SCD5: variants seen among roughly 807,000 people sequenced by gnomAD.
SCD5 encodes acyl-CoA-desaturase 4.
In SCD5, 20 loss-of-function variants were observed where a neutral mutation model predicts 30.4. That is an observed-to-expected ratio of 0.66 (90% confidence interval 0.46 to 0.96). The LOEUF is 0.96. Among genes scored for constraint, SCD5 ranks in the 40% least tolerant of loss-of-function variants. The probability of loss-of-function intolerance (pLI) is 0.00; values close to 1 mark genes in which losing one functional copy is unlikely to be tolerated. For synonymous variants in SCD5, 173 were observed against 176.4 expected, an observed-to-expected ratio of 0.98 and a Z score of 0.16; for missense variants, 381 against 443.3, an observed-to-expected ratio of 0.86 and a Z score of 1.26.
At chr4:82,787,063 T>G (rs1393500360) in intron 1 of SCD5, among the ~76,000 whole-genome samples, 1 of 152,184 alleles carries the variant, frequency 6.6e-6, no homozygotes, top group East Asian at 1.9e-4. Flanking sequence ...GTTCCTAGAT[T>G]GTTTGTGCAA....
chr4:82,639,274 C>G (rs1255131551), intron 3 of SCD5, among the ~76,000 whole-genome samples: 1 of 152,116 alleles, frequency 6.6e-6, no homozygotes, highest in African/African-American at 2.4e-5. Flanking sequence ...CCAAAGACAA[C>G]TAAGGGACTC....
At chr4:82,704,491 G>A (rs1300531389) in intron 2 of SCD5, among the ~76,000 whole-genome samples, 2 of 152,200 alleles carry the variant, frequency 1.3e-5, no homozygotes, top group African/African-American at 2.4e-5. Context: ...CCAAGGAGGT[G>A]GGGAATGGTC....
intron 2 of SCD5, among the ~76,000 whole-genome samples, chr4:82,684,554 T>C (rs1728654551): frequency 1.3e-5 from 2 of 152,142 alleles, no homozygotes; most frequent in South Asian, 4.1e-4. Flanking sequence ...TACCTGTGAA[T>C]AGCATTTGTG....
chr4:82,646,807 AT>A (rs1727642170), intron 3 of SCD5, among the ~76,000 whole-genome samples: 1 of 152,080 alleles, frequency 6.6e-6, no homozygotes, highest in Non-Finnish European at 1.5e-5. Flanking sequence ...GAGAAAAGAT[AT>A]TTTTCTCTGG....
In SCD5 at chr4:82,766,527, T is replaced by C. The variant is rs191868768; in HGVS notation, c.232+31779A>G. On this transcript the variant is annotated intron_variant, in intron 1 of 4. Transcript: ENST00000319540. ...TAAAATATAATTATCCCAATTGCTT[T>C]AGTGGTCTTGTCCACTAATTCTTTC... Among the ~76,000 whole-genome samples, 37 of 152,376 alleles carry C rather than the reference T, an allele frequency of 2.4e-4. No individual in the cohort carries two copies. The East Asian group carries it at 6.9e-3, about 29-fold the overall frequency.
rs1727268663 is a variant in SCD5, at chr4:82,630,646, T to C, written c.*681A>G. 3 of 152,178 alleles carry C rather than the reference T, an allele frequency of 2.0e-5. No homozygotes were observed. Among genetic ancestry groups the C allele is most frequent in the Non-Finnish European group, 4.4e-5 (3 of 68,028 alleles). 9.4% of individuals were successfully genotyped at this position (152,178 alleles called of 1,614,324 possible). A position where few individuals can be genotyped will look rare whatever the true frequency, so the allele number is the denominator to read the frequency against. On this transcript the variant is annotated 3_prime_UTR_variant, in exon 5 of 5. Transcript: ENST00000319540. ...TCCACACTCTAATGTTAAATCGTAG[T>C]AATATTGACTTGAAAAGTTTTTTAG...
chr4:82,713,877 C>T (rs911541270), intron 1 of SCD5, among the ~76,000 whole-genome samples: 22 of 152,328 alleles, frequency 1.4e-4, no homozygotes, highest in Admixed American at 7.2e-4. Context: ...GCCCTACTCA[C>T]CTGATAACTT....
intron 1 of SCD5, among the ~76,000 whole-genome samples, chr4:82,714,396 C>T (rs1012301095): frequency 3.3e-5 from 5 of 152,146 alleles, no homozygotes; most frequent in Non-Finnish European, 7.4e-5. Flanking sequence ...TAGGTGTAGT[C>T]CCTTTACTCA....
In SCD5 at chr4:82,720,439, AAT is replaced by A. The variant is rs1183390083; in HGVS notation, c.233-15028_233-15027del. ...GAGATGCTGTCTCAAAAAAGGCAAAAATAAAAAAAAAAAAAAAAAAAAAAGAC... is the reference window on the plus strand; with the variant it reads ...GAGATGCTGTCTCAAAAAAGGCAAAAAAAAAAAAAAAAAAAAAAAAAAGAC... On this transcript the variant is annotated intron_variant, in intron 1 of 4. Transcript: ENST00000319540. 3.0e-4 allele frequency among the ~76,000 whole-genome samples: 43 copies of A among 141,708 alleles called. No individual in the cohort carries two copies. The East Asian group carries it at 6.6e-3, about 22-fold the overall frequency. The allele number at this position is 141,708 out of a possible 152,430, so 93.0% of individuals were successfully genotyped here. A position where few individuals can be genotyped will look rare whatever the true frequency, so the allele number is the denominator to read the frequency against.
intron 1 of SCD5, among the ~76,000 whole-genome samples, chr4:82,737,478 C>T (rs1720776056): frequency 6.6e-6 from 1 of 152,166 alleles, no homozygotes; most frequent in African/African-American, 2.4e-5. Context: ...ATGGATGCAG[C>T]TCCCACTCAG....
At chr4:82,755,745 A>G (rs1721221669) in intron 1 of SCD5, among the ~76,000 whole-genome samples, 1 of 152,232 alleles carries the variant, frequency 6.6e-6, no homozygotes, top group Admixed American at 6.5e-5. Flanking sequence ...ACTCATTCTC[A>G]AAACCAAACC....
At chr4:82,709,927 T>G (rs1720048084) in intron 1 of SCD5, among the ~76,000 whole-genome samples, 1 of 152,238 alleles carries the variant, frequency 6.6e-6, no homozygotes. Context: ...CTAATTTTCC[T>G]GTTTTACTCC....
rs566174764 is a variant in SCD5 at position 82,747,075 on chromosome 4, C to T, written c.233-41662G>A. On this transcript the variant is annotated intron_variant, in intron 1 of 4. Transcript: ENST00000319540. ...AGAAAAGTCTGGGCAACCTGCCCCC[C>T]AAGAAAGACGACCTTCCCACTCCAT... Among the ~76,000 whole-genome samples, 134 of 148,754 alleles carry T rather than the reference C, an allele frequency of 9.0e-4. 1 individual carries two copies. Among genetic ancestry groups the T allele is most frequent in the African/African-American group, 3.2e-3 (131 of 40,658 alleles).
At chr4:82,754,625 T>C (rs113658879) in intron 1 of SCD5, among the ~76,000 whole-genome samples, 1,913 of 151,766 alleles carry the variant, frequency 0.013, 53 homozygotes, top group African/African-American at 0.044. Context: ...CATTTTGGAA[T>C]GGCATTTGCC....
At chr4:82,764,726 C>CT (rs947882846) in intron 1 of SCD5, among the ~76,000 whole-genome samples, 2 of 136,646 alleles carry the variant, frequency 1.5e-5, no homozygotes, top group African/African-American at 6.2e-5. Flanking sequence ...ATTTTCTTTT[C>CT]TTTCTTTTTT....
intron 1 of SCD5, among the ~76,000 whole-genome samples, chr4:82,797,373 G>C (rs1369665761): frequency 2.0e-5 from 3 of 152,176 alleles, no homozygotes; most frequent in African/African-American, 7.2e-5. Flanking sequence ...CAGTAAAGGA[G>C]GCCAAAACCA....
intron 2 of SCD5, among the ~76,000 whole-genome samples, chr4:82,693,150 G>A (rs138714494): frequency 6.6e-6 from 1 of 152,284 alleles, no homozygotes; most frequent in African/African-American, 2.4e-5. Flanking sequence ...GGGATGCAGT[G>A]GCACCTGTGC....
intron 2 of SCD5, among the ~76,000 whole-genome samples, chr4:82,702,216 C>A (rs1306139865): frequency 7.5e-6 from 1 of 133,238 alleles, no homozygotes; most frequent in Non-Finnish European, 1.5e-5. Flanking sequence ...GTGATCTCAT[C>A]TCACTGCAAC....
intron 1 of SCD5, among the ~76,000 whole-genome samples, chr4:82,788,798 C>G (rs563765102): frequency 1.3e-5 from 2 of 152,328 alleles, no homozygotes; most frequent in African/African-American, 4.8e-5. Context: ...GCCTCTTTCT[C>G]CTTCCATAGG....
Sources: gnomAD v4.1 joint callset for allele counts (sites outside exome capture counted in the v4.1 genomes callset) on GRCh38, gnomAD v4.1.1 for gene constraint, MANE v1.5 for transcripts, NCBI Gene and HGNC (gene_info 2026-07-23, HGNC 2026-07-21) for gene names.